Variants in MCL1 observed in about 807,000 individuals in gnomAD.
MCL1 encodes the protein induced myeloid leukemia cell differentiation protein Mcl-1.
Under a neutral mutation model 24.2 loss-of-function variants are expected in MCL1, and 4 were observed. The observed-to-expected ratio is 0.17, with a 90% confidence interval of 0.08 to 0.38. The LOEUF (loss-of-function observed/expected upper bound fraction) is 0.38, where lower values mean the gene tolerates loss of function less well. Among genes scored for constraint, MCL1 ranks in the 10% least tolerant of loss-of-function variants. MCL1 has a pLI of 1.00. For synonymous variants in MCL1, 248 were observed against 214.0 expected, an observed-to-expected ratio of 1.16 and a Z score of -1.39; for missense variants, 529 against 480.3, an observed-to-expected ratio of 1.10 and a Z score of -0.95.
intron 1 of MCL1, 173 bp from the exon 2 acceptor site, chr1:150,578,664 C>CA: frequency 1.9e-6 from 2 of 1,028,174 alleles, no homozygotes; most frequent in Non-Finnish European, 2.8e-6. Flanking sequence ...CTGCCATTTC[C>CA]AAAAGAATCA....
Position 150,579,475 on chromosome 1 carries a change from G to C in MCL1, c.56C>G (p.Ala19Gly), listed in dbSNP as rs1490867890. The stretch of plus-strand genomic sequence containing the variant: ...GCCGCCGCTGCCGGCCCCCAAGCCG[G>C]CCCCCCCACAGTAGAGGTTGAGTCC... ...VIGLNLYCGGAGLGAGSGGAT... is the reference protein window; with the variant it reads ...VIGLNLYCGGGGLGAGSGGAT... Residue 19 changes from alanine to glycine, a missense_variant, in exon 1 of 3, where the codon GCC becomes GGC. Coordinates refer to ENST00000369026, the MANE Select transcript of MCL1 (RefSeq NM_021960.5). The C allele has an allele frequency of 2.5e-6, 4 of 1,593,288 alleles. No individual in the cohort carries two copies. The highest frequency in any genetic ancestry group is 3.4e-6 in the Non-Finnish European group (4 of 1,171,766).
chr1:150,579,521 G>T lies in MCL1; in HGVS notation c.10C>A (p.Leu4Ile). Residue 4 changes from leucine (L) to isoleucine (I), a missense_variant, in exon 1 of 3, where the codon CTC becomes ATC. By Grantham distance (5) the Leu-to-Ile change is conservative. Coordinates refer to ENST00000369026, the MANE Select transcript of MCL1 (RefSeq NM_021960.5). ...AGTCCGATTACCGCGTTTCTTTTGA[G>T]GCCAAACATTGCCAGTCGCCGCCGC... MFG[L>I]KRNAVIGLNL... is the part of the protein sequence containing the mutation. 6.2e-7 allele frequency: 1 copy of T among 1,600,410 alleles called. No individual in the cohort carries two copies. Among genetic ancestry groups the T allele is most frequent in the Non-Finnish European group, 8.5e-7 (1 of 1,174,484 alleles).
rs367658301 is a variant in MCL1, at chr1:150,578,879, C to T, written c.652G>A (p.Asp218Asn). ...KALETLRRVG[D>N]GVQRNHETAF... is the part of the protein sequence containing the mutation. The stretch of plus-strand genomic sequence containing the variant: ...GTCTCGTGGTTGCGCTGCACGCCAT[C>T]CCCAACCCGTCGTAAGGTCTCCAGC... Residue 218 changes from aspartate (D) to asparagine (N), a missense_variant, in exon 1 of 3, where the codon GAT becomes AAT. Transcript: ENST00000369026. 9.9e-6 allele frequency: 16 copies of T among 1,613,648 alleles called. No individual in the cohort carries two copies. Among genetic ancestry groups the T allele is most frequent in the South Asian group, 5.5e-5 (5 of 91,086 alleles).
At chr1:150,578,616 A>G (rs975829073) in intron 1 of MCL1, 125 bp from the exon 2 acceptor site, 1 of 1,241,044 alleles carries the variant, frequency 8.1e-7, no homozygotes, top group African/African-American at 1.5e-5. Context: ...ACCCCACTTG[A>G]AATTGACATC....
At position 150,579,084 on chromosome 1, in the gene MCL1, TTCCCCGACCAAC is replaced by T; in HGVS notation, c.435_446del (p.Leu146_Glu149del). 1 of 1,613,176 alleles carries T rather than the reference TTCCCCGACCAAC, an allele frequency of 6.2e-7. No individual in the cohort carries two copies. The highest frequency in any genetic ancestry group is 8.5e-7 in the Non-Finnish European group (1 of 1,180,022). On this transcript the variant is annotated inframe_deletion, in exon 1 of 3. Coordinates refer to ENST00000369026, the MANE Select transcript of MCL1 (RefSeq NM_021960.5). ...CGTCCGTACTGGTGTTATTACCAGA[TTCCCCGACCAAC>T]TCCAGCAGCGGCAGGACAGCCGGCC...
Position 150,576,388 on chromosome 1 carries a change from A to G in MCL1, c.*987T>C, listed in dbSNP as rs1262491032. On this transcript the variant is annotated 3_prime_UTR_variant, in exon 3 of 3. Coordinates refer to ENST00000369026, the MANE Select transcript of MCL1 (RefSeq NM_021960.5). ...AAGAATTTCCATTCATCAACCTCTC[A>G]ATCCCAGGTTTTCAAAGAAAAACCT... is the stretch of plus-strand genomic sequence containing the variant. 4.8e-6 allele frequency: 1 copy of G among 209,862 alleles called. No individual in the cohort carries two copies. Among genetic ancestry groups the G allele is most frequent in the Non-Finnish European group, 9.0e-6 (1 of 111,112 alleles). The allele number at this position is 209,862 out of a possible 1,614,324, so 13.0% of individuals were successfully genotyped here.
Position 150,577,297 on chromosome 1 carries a change from CT to C in MCL1, c.*77del. On this transcript the variant is annotated 3_prime_UTR_variant, in exon 3 of 3. Coordinates refer to ENST00000369026, the MANE Select transcript of MCL1 (RefSeq NM_021960.5). Reference sequence around the variant, plus strand: ...AGGGTGCAACTCTAGGAAGTTACAGCTTGGAGTCCAACTGCATAAACTGGTT... The same window carrying C: ...AGGGTGCAACTCTAGGAAGTTACAGCTGGAGTCCAACTGCATAAACTGGTT... 1 of 1,561,458 alleles carries C rather than the reference CT, an allele frequency of 6.4e-7. No individual in the cohort carries two copies. The highest frequency in any genetic ancestry group is 1.4e-5 in the African/African-American group (1 of 73,474).
rs1647770970 is a variant in MCL1 at position 150,575,771 on chromosome 1, G to C, written c.*1604C>G. The C allele has an allele frequency of 4.3e-6, 1 of 232,988 alleles. No individual in the cohort carries two copies. The highest frequency in any genetic ancestry group is 1.8e-4 in the South Asian group (1 of 5,522). The allele number at this position is 232,988 out of a possible 1,614,324, so 14.4% of individuals were successfully genotyped here. ...GTTTCACAGTGCCAAAATCTAAAAG[G>C]GCTAGAAAGAGTTCAGGGATGGCAG... On this transcript the variant is annotated 3_prime_UTR_variant, in exon 3 of 3. Coordinates refer to ENST00000369026, the MANE Select transcript of MCL1 (RefSeq NM_021960.5).
In MCL1 at chr1:150,575,015, T is replaced by C. The variant is rs1453590850; in HGVS notation, c.*2360A>G. 4 of 233,200 alleles carry C rather than the reference T, an allele frequency of 1.7e-5. No individual in the cohort carries two copies. The highest frequency in any genetic ancestry group is 8.8e-5 in the African/African-American group (4 of 45,322). 14.4% of individuals were successfully genotyped at this position (233,200 alleles called of 1,614,324 possible). A position where few individuals can be genotyped will look rare whatever the true frequency, so the allele number is the denominator to read the frequency against. On this transcript the variant is annotated 3_prime_UTR_variant, in exon 3 of 3. Transcript: ENST00000369026. ...ATCCTTGTCTGTATTTCCACAGTCA[T>C]ACCTAATGAATTGGGAAGTGGGGCC... is the stretch of plus-strand genomic sequence containing the variant.
chr1:150,574,862 G>A lies in MCL1; in HGVS notation c.*2513C>T, dbSNP rs765448623. 27 of 233,264 alleles carry A rather than the reference G, an allele frequency of 1.2e-4. No individual in the cohort carries two copies. Among genetic ancestry groups the A allele is most frequent in the South Asian group, 3.6e-4 (2 of 5,522 alleles). 14.4% of individuals were successfully genotyped at this position (233,264 alleles called of 1,614,324 possible). A position where few individuals can be genotyped will look rare whatever the true frequency, so the allele number is the denominator to read the frequency against. On this transcript the variant is annotated 3_prime_UTR_variant, in exon 3 of 3. Transcript: ENST00000369026. ...CTTTTGGAGGATTTGCCCGAACTAC[G>A]TAGCCAGTCAGCACTTAGACCACCT...
chr1:150,577,632 GC>G, intron 2 of MCL1, 141 bp from the exon 3 acceptor site: 1 of 886,292 alleles, frequency 1.1e-6, no homozygotes, highest in Non-Finnish European at 1.6e-6. Flanking sequence ...TCACCCCGGG[GC>G]AAAAAAAGAA....
intron 2 of MCL1, among the ~76,000 whole-genome samples, chr1:150,577,866 C>T (rs1452205377): frequency 6.6e-6 from 1 of 152,162 alleles, no homozygotes; most frequent in South Asian, 2.1e-4. Flanking sequence ...CATCCTGCAT[C>T]AGATCTGGGT....
In MCL1 at chr1:150,575,030, G is replaced by T. The variant is rs35351880; in HGVS notation, c.*2345C>A. ...TCCACAGTCATACCTAATGAATTGG[G>T]AAGTGGGGCCCCTAAAAACCAATTC... On this transcript the variant is annotated 3_prime_UTR_variant, in exon 3 of 3. Coordinates refer to ENST00000369026, the MANE Select transcript of MCL1 (RefSeq NM_021960.5). The T allele has an allele frequency of 4.3e-6, 1 of 233,318 alleles. No homozygotes were observed. The highest frequency in any genetic ancestry group is 8.5e-6 in the Non-Finnish European group (1 of 117,968). 14.5% of individuals were successfully genotyped at this position (233,318 alleles called of 1,614,324 possible).
At chr1:150,578,594 G>A (rs955600460) in intron 1 of MCL1, 103 bp from the exon 2 acceptor site, 2 of 1,430,610 alleles carry the variant, frequency 1.4e-6, no homozygotes, top group African/African-American at 1.4e-5. Context: ...GGGATTTACA[G>A]AACTCAGGTT....
rs953583260 is a variant in MCL1 at position 150,575,819 on chromosome 1, T to C, written c.*1556A>G. ...CAGGGGAAAGCTGTAGGAATTGATA[T>C]AAATATCTGTAGAGGGAGCAGAACA... On this transcript the variant is annotated 3_prime_UTR_variant, in exon 3 of 3. Transcript: ENST00000369026. The C allele has an allele frequency of 1.3e-5, 3 of 233,188 alleles. No homozygotes were observed. Among genetic ancestry groups the C allele is most frequent in the East Asian group, 6.0e-5 (1 of 16,572 alleles). The allele number at this position is 233,188 out of a possible 1,614,324, so 14.4% of individuals were successfully genotyped here. A position where few individuals can be genotyped will look rare whatever the true frequency, so the allele number is the denominator to read the frequency against.
intron 2 of MCL1, 77 bp from the exon 3 acceptor site, chr1:150,577,568 G>A (rs1485737125): frequency 2.8e-6 from 4 of 1,420,868 alleles, no homozygotes; most frequent in Non-Finnish European, 3.8e-6. Flanking sequence ...CAGAGAGAAG[G>A]TAAATTAAAA....
At position 150,579,194 on chromosome 1, in the gene MCL1, C is replaced by T. The variant is rs1324147236; in HGVS notation, c.337G>A (p.Ala113Thr). The change falls in exon 1 of 3, where the codon GCC becomes ACC. Residue 113 changes from alanine (A) to threonine (T), a missense_variant. Transcript: ENST00000369026. ...RRAAPLEEME[A>T]PAADAIMSPE... Reference sequence around the variant, plus strand: ...GACATGATGGCGTCAGCGGCCGGGGCTTCCATCTCCTCAAGCGGCGCCGCG... The same window carrying T: ...GACATGATGGCGTCAGCGGCCGGGGTTTCCATCTCCTCAAGCGGCGCCGCG... 1.9e-6 allele frequency: 3 copies of T among 1,602,038 alleles called. No individual in the cohort carries two copies. Among genetic ancestry groups the T allele is most frequent in the Non-Finnish European group, 2.5e-6 (3 of 1,176,588 alleles).
rs916290226 is a variant in MCL1 at position 150,574,614 on chromosome 1, A to T, written c.*2761T>A. ...GAAAAACAGAAAGTTAGGGAAACACACTACATTTGACAACCAACATTAATT... is the reference window on the plus strand; with the variant it reads ...GAAAAACAGAAAGTTAGGGAAACACTCTACATTTGACAACCAACATTAATT... On this transcript the variant is annotated 3_prime_UTR_variant, in exon 3 of 3. Transcript: ENST00000369026. 4.3e-6 allele frequency: 1 copy of T among 232,400 alleles called. No homozygotes were observed. The highest frequency in any genetic ancestry group is 8.5e-6 in the Non-Finnish European group (1 of 117,378). The allele number at this position is 232,400 out of a possible 1,614,324, so 14.4% of individuals were successfully genotyped here.
Position 150,579,067 on chromosome 1 carries a change from C to G in MCL1, c.464G>C (p.Ser155Thr), listed in dbSNP as rs147383002. 2.5e-6 allele frequency: 4 copies of G among 1,613,150 alleles called. No homozygotes were observed. The African/African-American group carries it at 5.3e-5, about 22-fold the overall frequency. ...ELVGESGNNT[S>T]TDGSLPSTPP... is the part of the protein sequence containing the mutation. The stretch of plus-strand genomic sequence containing the variant: ...CGTCGAGGGTAGTGACCCGTCCGTA[C>G]TGGTGTTATTACCAGATTCCCCGAC... The change falls in exon 1 of 3, where the codon AGT becomes ACT. Residue 155 changes from serine (S) to threonine (T), a missense_variant. Ser to Thr is a moderately conservative substitution (Grantham distance 58, BLOSUM62 1). Transcript: ENST00000369026.
Sources: gnomAD v4.1 joint callset for allele counts (sites outside exome capture counted in the v4.1 genomes callset) on GRCh38, gnomAD v4.1.1 for gene constraint, MANE v1.5 for transcripts, NCBI Gene and HGNC (gene_info 2026-07-23, HGNC 2026-07-21) for gene names.